The following GRIK3 variants were observed in gnomAD, a reference collection of about 807,000 sequenced individuals.
The protein encoded by GRIK3 is glutamate ionotropic receptor kainate type subunit 3, also known as glutamate receptor ionotropic, kainate 3.
In GRIK3, 29 loss-of-function variants were observed where a neutral mutation model predicts 102.5. The ratio of observed to expected loss-of-function variants is 0.28; its 90% CI spans 0.21 to 0.39. GRIK3 has a LOEUF of 0.39. Among genes scored for constraint, GRIK3 ranks in the 10% least tolerant of loss-of-function variants. The pLI is 1.00. For missense variants in GRIK3, 908 were observed against 1,252.4 expected (o/e 0.73, Z 4.15); for synonymous variants, 511 against 504.9 (o/e 1.01, Z -0.16).
chr1:36,963,325 G>T (rs752305247), intron 1 of GRIK3, among the ~76,000 whole-genome samples: 2 of 152,134 alleles, frequency 1.3e-5, no homozygotes, highest in Non-Finnish European at 2.9e-5. Context: ...CAAACCCCCC[G>T]CTCAGCCTCC....
At chr1:36,907,972 T>C (rs1022210032) in intron 1 of GRIK3, among the ~76,000 whole-genome samples, 4 of 152,056 alleles carry the variant, frequency 2.6e-5, no homozygotes, top group African/African-American at 7.2e-5. Flanking sequence ...CAGCCTGCCA[T>C]CAATAACCAA....
intron 1 of GRIK3, among the ~76,000 whole-genome samples, chr1:36,909,892 T>A (rs1020383232): frequency 2.6e-5 from 4 of 152,186 alleles, no homozygotes; most frequent in African/African-American, 7.2e-5. Context: ...CTATATTTTT[T>A]AAATTGCTTT....
chr1:36,859,655 T>C (rs1275771087), intron 6 of GRIK3, among the ~76,000 whole-genome samples, 189 bp downstream of exon 6: 1 of 152,200 alleles, frequency 6.6e-6, no homozygotes, highest in Non-Finnish European at 1.5e-5. Flanking sequence ...CCCCATCAGA[T>C]GGGTCCCTTG....
At chr1:36,848,772 T>G (rs1640546918) in intron 9 of GRIK3, among the ~76,000 whole-genome samples, 1 of 151,722 alleles carries the variant, frequency 6.6e-6, no homozygotes, top group Non-Finnish European at 1.5e-5. Context: ...TCCTTTACAT[T>G]TTTACATCAC....
At chr1:36,934,305 C>T (rs1414416534) in intron 1 of GRIK3, among the ~76,000 whole-genome samples, 2 of 152,210 alleles carry the variant, frequency 1.3e-5, no homozygotes, top group South Asian at 4.1e-4. Context: ...CCTGCCTACT[C>T]TCCTGTGTGC....
chr1:37,023,989 C>T (rs542313365), intron 1 of GRIK3, among the ~76,000 whole-genome samples: 1 of 152,294 alleles, frequency 6.6e-6, no homozygotes, highest in African/African-American at 2.4e-5. Context: ...ATATCAACTA[C>T]TAAAGGGAGG....
chr1:36,916,179 C>A (rs1641398502), intron 1 of GRIK3, among the ~76,000 whole-genome samples: 1 of 152,088 alleles, frequency 6.6e-6, no homozygotes, highest in African/African-American at 2.4e-5. Context: ...TTGCCCCTGC[C>A]CTACAGACTT....
intron 1 of GRIK3, among the ~76,000 whole-genome samples, chr1:37,030,440 C>T (rs1642811402): frequency 6.6e-6 from 1 of 152,010 alleles, no homozygotes. Context: ...CTGCTGGGCC[C>T]CTGTATATTC....
At chr1:36,908,128 C>T (rs567479811) in intron 1 of GRIK3, among the ~76,000 whole-genome samples, 1 of 152,336 alleles carries the variant, frequency 6.6e-6, no homozygotes, top group South Asian at 2.1e-4. Flanking sequence ...CATCTCTGCC[C>T]AACTCCGTCC....
intron 8 of GRIK3, among the ~76,000 whole-genome samples, chr1:36,852,124 C>T (rs1640593034): frequency 2.0e-5 from 3 of 152,132 alleles, no homozygotes; most frequent in Non-Finnish European, 4.4e-5. Flanking sequence ...AGCAAACTGG[C>T]CCCTGTGATC....
chr1:36,848,236 G>A (rs1640541598), intron 9 of GRIK3, among the ~76,000 whole-genome samples: 1 of 152,110 alleles, frequency 6.6e-6, no homozygotes, highest in Non-Finnish European at 1.5e-5. Flanking sequence ...CTTATATTTT[G>A]TATCCTTTTG....
intron 3 of GRIK3, among the ~76,000 whole-genome samples, chr1:36,874,700 T>A (rs1216373784): frequency 1.3e-5 from 2 of 152,204 alleles, no homozygotes; most frequent in East Asian, 1.9e-4. Flanking sequence ...GTTTTGAGAC[T>A]TATGTGCAGC....
At position 36,796,633 on chromosome 1, in the gene GRIK3, C is replaced by T. The variant is rs532028062; in HGVS notation, c.*5218G>A. Reference sequence around the variant, plus strand: ...TAACAGGGGCATGGGAACACTGTATCGGCATGCTGGCCATGCCCTGGGGGC... The same window carrying T: ...TAACAGGGGCATGGGAACACTGTATTGGCATGCTGGCCATGCCCTGGGGGC... On this transcript the variant is annotated 3_prime_UTR_variant, in exon 16 of 16. Coordinates refer to ENST00000373091, the MANE Select transcript of GRIK3 (RefSeq NM_000831.4). The T allele has an allele frequency of 2.0e-5, 3 of 152,236 alleles. No homozygotes were observed. The highest frequency in any genetic ancestry group is 3.2e-3 in the Middle Eastern group (1 of 316). The allele number at this position is 152,236 out of a possible 1,614,324, so 9.4% of individuals were successfully genotyped here.
intron 3 of GRIK3, among the ~76,000 whole-genome samples, chr1:36,878,871 C>A (rs1640936532): frequency 1.3e-5 from 2 of 152,156 alleles, no homozygotes; most frequent in Admixed American, 1.3e-4. Flanking sequence ...ACACTTGCAC[C>A]ACTTGGTTCG....
chr1:36,998,819 T>C (rs917212491), intron 1 of GRIK3, among the ~76,000 whole-genome samples: 6 of 152,242 alleles, frequency 3.9e-5, no homozygotes, highest in African/African-American at 1.4e-4. Context: ...ATAGCAAGCC[T>C]CCAGGTCCCC....
intron 1 of GRIK3, among the ~76,000 whole-genome samples, chr1:36,949,772 G>A (rs886580362): frequency 1.6e-4 from 25 of 151,644 alleles, no homozygotes; most frequent in Non-Finnish European, 8.8e-5. Context: ...GAGACAGGGG[G>A]GTCACCATGT....
At chr1:36,878,113 A>T (rs1004035732) in intron 3 of GRIK3, among the ~76,000 whole-genome samples, 2 of 152,102 alleles carry the variant, frequency 1.3e-5, no homozygotes, top group Non-Finnish European at 2.9e-5. Context: ...AAACAATGAA[A>T]AACATCTACA....
In GRIK3 at chr1:36,795,735, A is replaced by G. The variant is rs1214170656; in HGVS notation, c.*6116T>C. 1 of 152,234 alleles carries G rather than the reference A, an allele frequency of 6.6e-6. No individual in the cohort carries two copies. The highest frequency in any genetic ancestry group is 1.5e-5 in the Non-Finnish European group (1 of 68,044). The allele number at this position is 152,234 out of a possible 1,614,324, so 9.4% of individuals were successfully genotyped here. On this transcript the variant is annotated 3_prime_UTR_variant, in exon 16 of 16. Transcript: ENST00000373091. ...AAAATGTTTACAAAAAACTATATTC[A>G]TAGAAATTCTGCATGTCCACAAAGG...
chr1:36,900,629 T>C (rs185101450), intron 1 of GRIK3, among the ~76,000 whole-genome samples: 2 of 152,240 alleles, frequency 1.3e-5, no homozygotes, highest in Non-Finnish European at 2.9e-5. Flanking sequence ...AATCCAAGTT[T>C]CTACCTCAGG....
Sources: allele counts gnomAD v4.1 joint callset (sites outside exome capture counted in the v4.1 genomes callset), GRCh38; gene constraint gnomAD v4.1.1; transcripts MANE v1.5; gene names NCBI Gene and HGNC (gene_info 2026-07-23, HGNC 2026-07-21).